Variants in DPP6 observed in about 807,000 individuals in gnomAD.
DPP6 encodes dipeptidyl peptidase like 6, also known as A-type potassium channel modulatory protein DPP6.
DPP6 carries 69 observed loss-of-function variants against 122.6 expected under a neutral mutation model. The ratio of observed to expected loss-of-function variants is 0.56; its 90% CI spans 0.46 to 0.69. DPP6 has a LOEUF of 0.69. Ranked by LOEUF, DPP6 falls within the 30% of genes least tolerant of loss-of-function variation. DPP6 has a pLI of 0.00. For synonymous variants in DPP6, 418 were observed against 433.1 expected (o/e 0.97, Z 0.43); for missense variants, 928 against 1,116.9 (o/e 0.83, Z 2.41).
intron 8 of DPP6, among the ~76,000 whole-genome samples, chr7:154,736,510 C>T (rs1233069220): frequency 6.6e-6 from 1 of 152,200 alleles, no homozygotes; most frequent in Non-Finnish European, 1.5e-5. Context: ...CAATTCTTAG[C>T]TCTCAGGTCA....
At chr7:154,428,539 C>A (rs1818094400) in intron 1 of DPP6, among the ~76,000 whole-genome samples, 1 of 152,156 alleles carries the variant, frequency 6.6e-6, no homozygotes, top group Admixed American at 6.6e-5. Context: ...CAAAAACACA[C>A]CTGCACGCAT....
the DPP6 span, among the ~76,000 whole-genome samples, chr7:153,778,979 G>A: frequency 1.4e-5 from 2 of 147,414 alleles, no homozygotes; most frequent in African/African-American, 5.4e-5. Flanking sequence ...CTTTCATGCA[G>A]TGGAACACTA....
At chr7:154,625,943 G>T (rs184920823) in intron 5 of DPP6, among the ~76,000 whole-genome samples, 1 of 152,304 alleles carries the variant, frequency 6.6e-6, no homozygotes, top group East Asian at 1.9e-4. Context: ...GCAGAATTAC[G>T]AATGAGTCAG....
chr7:154,658,693 G>GC (rs1837427212), intron 6 of DPP6, among the ~76,000 whole-genome samples: 1 of 152,196 alleles, frequency 6.6e-6, no homozygotes, highest in African/African-American at 2.4e-5. Flanking sequence ...TCCTCTGTCT[G>GC]CCCCACACCT....
intron 1 of DPP6, among the ~76,000 whole-genome samples, chr7:154,165,112 C>T (rs1312469645): frequency 1.3e-5 from 2 of 149,316 alleles, no homozygotes; most frequent in Non-Finnish European, 2.9e-5. Context: ...CCCACTAACT[C>T]GTCATCTAGC....
At chr7:154,781,280 C>T (rs1563203836) in intron 10 of DPP6, among the ~76,000 whole-genome samples, 1 of 152,070 alleles carries the variant, frequency 6.6e-6, no homozygotes, top group Non-Finnish European at 1.5e-5. Context: ...CATGGCTTTA[C>T]CCCCACCACT....
At chr7:154,080,796 G>A (rs1220356318) in intron 1 of DPP6, among the ~76,000 whole-genome samples, 2 of 152,170 alleles carry the variant, frequency 1.3e-5, no homozygotes, top group African/African-American at 4.8e-5. Flanking sequence ...GATGGATGAA[G>A]CTAACTGGCT....
intron 6 of DPP6, among the ~76,000 whole-genome samples, chr7:154,649,168 AG>A (rs1159488542): frequency 6.6e-6 from 1 of 152,144 alleles, no homozygotes; most frequent in Admixed American, 6.5e-5. Context: ...TGGCTTCCTT[AG>A]CATAATTGCT....
intron 1 of DPP6, among the ~76,000 whole-genome samples, chr7:154,263,116 A>G (rs1418371696): frequency 5.9e-5 from 9 of 152,252 alleles, no homozygotes; most frequent in African/African-American, 2.2e-4. Context: ...ACCATGATAT[A>G]GATAACCAAC....
intron 1 of DPP6, among the ~76,000 whole-genome samples, chr7:154,022,618 A>C (rs1798759015): frequency 6.6e-6 from 1 of 152,184 alleles, no homozygotes; most frequent in East Asian, 1.9e-4. Context: ...TTTATAGACT[A>C]ACGGTTGCCC....
intron 1 of DPP6, among the ~76,000 whole-genome samples, chr7:154,378,086 C>G (rs932978473): frequency 2.0e-5 from 3 of 152,190 alleles, no homozygotes; most frequent in African/African-American, 4.8e-5. Flanking sequence ...CTGGTGAGCT[C>G]TTTTTGAGGA....
intron 1 of DPP6, among the ~76,000 whole-genome samples, chr7:154,359,986 G>T (rs931208607): frequency 1.3e-5 from 2 of 152,310 alleles, no homozygotes; most frequent in East Asian, 3.9e-4. Context: ...GCTGCCGGAG[G>T]ACCGCATGCA....
intron 1 of DPP6, among the ~76,000 whole-genome samples, chr7:154,278,084 C>T (rs1318223861): frequency 3.3e-5 from 5 of 152,238 alleles, no homozygotes; most frequent in Middle Eastern, 3.4e-3. Context: ...CTCTGTATAA[C>T]GAAATTCAGT....
At chr7:154,399,773 G>T (rs769203092) in intron 1 of DPP6, among the ~76,000 whole-genome samples, 7 of 152,202 alleles carry the variant, frequency 4.6e-5, no homozygotes, top group African/African-American at 9.7e-5. Flanking sequence ...GGTGCCTTCT[G>T]TTCTGCCCCA....
At chr7:154,216,744 A>G (rs78914218) in intron 1 of DPP6, among the ~76,000 whole-genome samples, 2,940 of 151,500 alleles carry the variant, frequency 0.019, 40 homozygotes, top group Non-Finnish European at 0.03. Context: ...AACCTGTCCT[A>G]TATGTGATTG....
intron 1 of DPP6, among the ~76,000 whole-genome samples, chr7:153,999,992 T>C (rs1242961158): frequency 2.6e-5 from 4 of 151,410 alleles, no homozygotes; most frequent in African/African-American, 9.7e-5. Flanking sequence ...AAAAAAAAAC[T>C]CAAGCTCCTC....
At chr7:154,856,677 C>T (rs955525638) in intron 17 of DPP6, among the ~76,000 whole-genome samples, 3 of 152,198 alleles carry the variant, frequency 2.0e-5, no homozygotes, top group Non-Finnish European at 4.4e-5. Context: ...CCAATCAATC[C>T]AATCAATATT....
At chr7:153,892,154 A>G (rs1273278940) in intron 1 of DPP6, among the ~76,000 whole-genome samples, 3 of 152,212 alleles carry the variant, frequency 2.0e-5, no homozygotes. Flanking sequence ...TTTCCACAGT[A>G]AGAGTTCTCT....
chr7:154,889,177 A>C, intron 23 of DPP6, 95 bp from the exon 24 acceptor site: 1 of 1,508,446 alleles, frequency 6.6e-7, no homozygotes. Flanking sequence ...TTTTCAATAC[A>C]CTTCACCTAC....
Sources: allele counts gnomAD v4.1 joint callset (sites outside exome capture counted in the v4.1 genomes callset), GRCh38; gene constraint gnomAD v4.1.1; transcripts MANE v1.5; gene names NCBI Gene and HGNC (gene_info 2026-07-23, HGNC 2026-07-21).